Variants in ZEB2 observed in about 807,000 individuals in gnomAD.
The protein encoded by ZEB2 is zinc finger E-box-binding homeobox 2.
Under a neutral mutation model 99.9 loss-of-function variants are expected in ZEB2, and 6 were observed. That is an observed-to-expected ratio of 0.06 (90% confidence interval 0.03 to 0.12). The LOEUF is 0.12. ZEB2 is among the 10% of genes least tolerant of loss of function. ZEB2 has a pLI of 1.00. For missense variants in ZEB2, 969 were observed against 1,502.8 expected, an observed-to-expected ratio of 0.64 and a Z score of 5.87; for synonymous variants, 517 against 542.5, an observed-to-expected ratio of 0.95 and a Z score of 0.65.
At position 144,407,335 on chromosome 2, in the gene ZEB2, C is replaced by G. The variant is rs1466272562; in HGVS notation, c.404-2311G>C. On this transcript the variant is annotated intron_variant, in intron 4 of 9. Coordinates refer to ENST00000627532, the MANE Select transcript of ZEB2 (RefSeq NM_014795.4). ...TTATACCTTGAAATTTTGCTTAAATCTGTTATTAGCTGGACTTAATAAAGA... is the reference window on the plus strand; with the variant it reads ...TTATACCTTGAAATTTTGCTTAAATGTGTTATTAGCTGGACTTAATAAAGA... Among the ~76,000 whole-genome samples the G allele has an allele frequency of 5.3e-5, 8 of 152,294 alleles. No individual in the cohort carries two copies. In the East Asian group the frequency reaches 5.8e-4, roughly 11 times the overall value.
chr2:144,420,188 AG>A (rs1164846109), intron 4 of ZEB2, among the ~76,000 whole-genome samples: 3 of 152,112 alleles, frequency 2.0e-5, no homozygotes, highest in Non-Finnish European at 4.4e-5. Context: ...TCCTTTCCTT[AG>A]GGCAAACATT....
At chr2:144,450,071 G>T (rs977915053) in intron 2 of ZEB2, 1 of 151,728 alleles carries the variant, frequency 6.6e-6, no homozygotes, top group African/African-American at 2.4e-5. Context: ...TTAATACATT[G>T]TATTACCACT....
chr2:144,513,434 A>G (rs1352690021), intron 2 of ZEB2: 1 of 1,428,756 alleles, frequency 7.0e-7, no homozygotes, highest in Admixed American at 2.1e-5. Context: ...AACTCTGGAG[A>G]AAAATCAAAT....
intron 1 of ZEB2, chr2:144,519,442 T>TAATTAAAAA: frequency 2.3e-5 from 3 of 132,520 alleles, no homozygotes; most frequent in South Asian, 2.5e-4. Context: ...TGAACTGCCA[T>TAATTAAAAA]GTCTAAGAGA....
At chr2:144,405,198 T>C in intron 4 of ZEB2, 174 bp from the exon 5 acceptor site, 1 of 701,942 alleles carries the variant, frequency 1.4e-6, no homozygotes, top group Non-Finnish European at 2.4e-6. Context: ...ATTCTTGCAA[T>C]ATATGCAAGA....
At chr2:144,464,884 G>A (rs546971203) in intron 2 of ZEB2, among the ~76,000 whole-genome samples, 3 of 152,278 alleles carry the variant, frequency 2.0e-5, no homozygotes, top group Admixed American at 2.0e-4. Context: ...CATAAAACAA[G>A]CCTTAATGAG....
chr2:144,398,690 T>C lies in ZEB2; in HGVS notation c.2497A>G (p.Thr833Ala), dbSNP rs1490526407. 20 of 1,613,954 alleles carry C rather than the reference T, an allele frequency of 1.2e-5. No individual in the cohort carries two copies. In the Middle Eastern group the frequency reaches 4.9e-4, roughly 40 times the overall value. ...CTACTAGCTTTTGTTTTGTTCTTTG[T>C]GGCTATAATACTTTTGGGTTCTTTC... is the stretch of plus-strand genomic sequence containing the variant. The part of the protein sequence containing the change: ...QMKEPKSIIA[T>A]KNKTKASSIS... Residue 833 changes from threonine (T) to alanine (A), a missense_variant, in exon 8 of 10, where the codon ACA becomes GCA. This residue lies in a region of ZEB2 where 346 missense variants were observed against 460.0 expected (regional missense o/e 0.75). Transcript: ENST00000627532.
At chr2:144,397,053 T>C (rs114723552) in intron 8 of ZEB2, among the ~76,000 whole-genome samples, 476 of 152,348 alleles carry the variant, frequency 3.1e-3, no homozygotes, top group Non-Finnish European at 4.5e-3. Context: ...TAAATGTATG[T>C]CTACCAACTA....
chr2:144,483,150 A>ACACACACGCG (rs1553968399), intron 2 of ZEB2, among the ~76,000 whole-genome samples: 37 of 149,656 alleles, frequency 2.5e-4, no homozygotes, highest in Non-Finnish European at 4.9e-4. Flanking sequence ...ACACACACAC[A>ACACACACGCG]CACACACACA....
chr2:144,519,814 CG>C (rs1335519390), intron 1 of ZEB2, 124 bp downstream of exon 1: 1 of 361,276 alleles, frequency 2.8e-6, no homozygotes, highest in Non-Finnish European at 5.4e-6. Context: ...TTCCTACCCA[CG>C]GACACCCCTT....
chr2:144,511,355 G>A (rs1451955823), intron 2 of ZEB2: 1 of 1,155,486 alleles, frequency 8.7e-7, no homozygotes, highest in Non-Finnish European at 1.1e-6. Flanking sequence ...ACACACACAT[G>A]CACATACACA....
chr2:144,498,449 T>C (rs1704821231), intron 2 of ZEB2, among the ~76,000 whole-genome samples: 1 of 151,586 alleles, frequency 6.6e-6, no homozygotes, highest in Non-Finnish European at 1.5e-5. Context: ...CTGAAGGAAA[T>C]CCAGGAAGCC....
chr2:144,405,084 C>G, intron 4 of ZEB2, 60 bp from the exon 5 acceptor site: 1 of 1,542,018 alleles, frequency 6.5e-7, no homozygotes. Flanking sequence ...GATCCCAAGT[C>G]CATCTCCATC....
intron 2 of ZEB2, among the ~76,000 whole-genome samples, chr2:144,482,005 G>C (rs1704520087): frequency 6.6e-6 from 1 of 152,118 alleles, no homozygotes. Context: ...GAAAAGGGAC[G>C]CCAATACCCA....
chr2:144,517,298 G>T lies in ZEB2; in HGVS notation c.53C>A (p.Ala18Asp), dbSNP rs1446907846. 2.5e-6 allele frequency: 4 copies of T among 1,613,502 alleles called. No individual in the cohort carries two copies. Among genetic ancestry groups the T allele is most frequent in the Non-Finnish European group, 3.4e-6 (4 of 1,179,808 alleles). Residue 18 changes from alanine to aspartate, a missense_variant, in exon 2 of 10, where the codon GCC becomes GAC. Ala to Asp is a moderately radical substitution (Grantham distance 126). Transcript: ENST00000627532. ...DGPRCKRRKQ[A>D]NPRRKNVVNY... ...CTTACCGTTTTTCCTCCTGGGATTG[G>T]CTTGTTTGCGCCTCTTGCACCGGGG...
chr2:144,502,604 A>G (rs1704889634), intron 2 of ZEB2, among the ~76,000 whole-genome samples: 1 of 152,170 alleles, frequency 6.6e-6, no homozygotes, highest in Non-Finnish European at 1.5e-5. Flanking sequence ...CTCTTAGCAA[A>G]CACTTGAAGA....
chr2:144,421,133 A>G (rs1703613513), intron 4 of ZEB2, among the ~76,000 whole-genome samples: 1 of 152,202 alleles, frequency 6.6e-6, no homozygotes, highest in Non-Finnish European at 1.5e-5. Flanking sequence ...CTGAAAATAC[A>G]AAAGGGAAGT....
At position 144,424,874 on chromosome 2, in the gene ZEB2, G is replaced by A. The variant is rs1345884751; in HGVS notation, c.332-7C>T. 6.2e-7 allele frequency: 1 copy of A among 1,613,826 alleles called. No individual in the cohort carries two copies. Among genetic ancestry groups the A allele is most frequent in the East Asian group, 2.2e-5 (1 of 44,868 alleles). On this transcript the variant is annotated splice_polypyrimidine_tract_variant and splice_region_variant and intron_variant, in intron 3 of 9. Coordinates refer to ENST00000627532, the MANE Select transcript of ZEB2 (RefSeq NM_014795.4). ...TAGTCTTCCTTCATTTCTTCTGTGG[G>A]GGAAAATTATCTTTAGCATTTGAGA... is the stretch of plus-strand genomic sequence containing the variant.
rs185660950 is a variant in ZEB2, at chr2:144,395,346, C to T, written c.3067+1066G>A. 1.8e-4 allele frequency among the ~76,000 whole-genome samples: 27 copies of T among 152,050 alleles called. No individual in the cohort carries two copies. The East Asian group carries it at 4.1e-3, about 23-fold the overall frequency. On this transcript the variant is annotated intron_variant, in intron 9 of 9. Coordinates refer to ENST00000627532, the MANE Select transcript of ZEB2 (RefSeq NM_014795.4). ...TTCTTTTTCTTTTGTGCCTCATCATCGCTTTTCCCCCAAAAAGCTTTCCCC... is the reference window on the plus strand; with the variant it reads ...TTCTTTTTCTTTTGTGCCTCATCATTGCTTTTCCCCCAAAAAGCTTTCCCC...
Sources: gnomAD v4.1 joint callset for allele counts (sites outside exome capture counted in the v4.1 genomes callset) on GRCh38, gnomAD v4.1.1 for gene constraint, gnomAD v4.1.1 regional missense constraint, MANE v1.5 for transcripts, NCBI Gene and HGNC (gene_info 2026-07-23, HGNC 2026-07-21) for gene names.